DENND1A: variants seen among roughly 807,000 people sequenced by gnomAD.
The protein encoded by DENND1A is DENN domain-containing protein 1A.
A neutral mutation model predicts 113.7 loss-of-function variants in DENND1A; 51 were observed. The observed-to-expected ratio is 0.45, with a 90% confidence interval of 0.36 to 0.57. The LOEUF (loss-of-function observed/expected upper bound fraction) is 0.57, where lower values mean the gene tolerates loss of function less well. Among genes scored for constraint, DENND1A ranks in the 20% least tolerant of loss-of-function variants. DENND1A has a pLI of 0.00. For synonymous variants in DENND1A, 565 were observed against 570.8 expected (o/e 0.99, Z 0.14); for missense variants, 1,258 against 1,395.9 (o/e 0.90, Z 1.57).
chr9:123,655,014 A>G (rs890838384), intron 8 of DENND1A, among the ~76,000 whole-genome samples: 33 of 152,146 alleles, frequency 2.2e-4, no homozygotes, highest in African/African-American at 6.0e-4. Context: ...CAGGCCTGCC[A>G]TGTCCTGAGA....
At chr9:123,717,063 T>C (rs1028955477) in intron 5 of DENND1A, among the ~76,000 whole-genome samples, 1 of 152,188 alleles carries the variant, frequency 6.6e-6, no homozygotes, top group African/African-American at 2.4e-5. Flanking sequence ...AGTAAATACA[T>C]AGTCACACCG....
intron 3 of DENND1A, among the ~76,000 whole-genome samples, chr9:123,787,985 A>G (rs1260034171): frequency 2.0e-5 from 3 of 152,122 alleles, no homozygotes; most frequent in Non-Finnish European, 4.4e-5. Flanking sequence ...ACAGCAATCT[A>G]CATATACAGG....
At chr9:123,840,334 TTC>T (rs1273789509) in intron 2 of DENND1A, among the ~76,000 whole-genome samples, 1 of 152,066 alleles carries the variant, frequency 6.6e-6, no homozygotes, top group East Asian at 1.9e-4. Flanking sequence ...TCTTTGATGT[TTC>T]TTTGTCTCTT....
intron 12 of DENND1A, among the ~76,000 whole-genome samples, chr9:123,579,555 G>A (rs934533252): frequency 6.6e-6 from 1 of 152,130 alleles, no homozygotes; most frequent in Admixed American, 6.5e-5. Flanking sequence ...TGAGTCTGCT[G>A]GTAATAATGC....
At chr9:123,765,939 T>C (rs1432497673) in intron 4 of DENND1A, among the ~76,000 whole-genome samples, 1 of 152,196 alleles carries the variant, frequency 6.6e-6, no homozygotes, top group Non-Finnish European at 1.5e-5. Flanking sequence ...CATAAGCAAG[T>C]CATTTCACCT....
rs201614647 is a variant in DENND1A at position 123,444,112 on chromosome 9, G to C, written c.1357-3621C>G. ...ACGTAGCTGTCAGCAAAGGGCTTGA[G>C]AAAACAGGTACTCTCATACCCTTCT... On this transcript the variant is annotated intron_variant, in intron 18 of 23. Coordinates refer to ENST00000394215, the MANE Select transcript of DENND1A (RefSeq NM_001352964.2). 5.3e-5 allele frequency among the ~76,000 whole-genome samples: 8 copies of C among 152,306 alleles called. No homozygotes were observed. The East Asian group carries it at 1.5e-3, about 29-fold the overall frequency.
chr9:123,623,650 AAAGTT>A (rs2061058801), intron 10 of DENND1A, among the ~76,000 whole-genome samples: 1 of 152,260 alleles, frequency 6.6e-6, no homozygotes, highest in African/African-American at 2.4e-5. Flanking sequence ...AGCTCTAATT[AAAGTT>A]AACTCAGATG....
chr9:123,832,758 T>C (rs541983724), intron 2 of DENND1A, among the ~76,000 whole-genome samples: 1 of 152,100 alleles, frequency 6.6e-6, no homozygotes, highest in Non-Finnish European at 1.5e-5. Flanking sequence ...AAGTAAAATA[T>C]TAAATACACT....
chr9:123,866,000 T>C (rs961575455), intron 2 of DENND1A, among the ~76,000 whole-genome samples: 1 of 152,214 alleles, frequency 6.6e-6, no homozygotes, highest in African/African-American at 2.4e-5. Flanking sequence ...TGGACGGCCA[T>C]GATGAAAATA....
At chr9:123,589,721 C>G (rs2059370316) in intron 11 of DENND1A, among the ~76,000 whole-genome samples, 1 of 139,642 alleles carries the variant, frequency 7.2e-6, no homozygotes, top group African/African-American at 2.7e-5. Flanking sequence ...CATAGAGAAA[C>G]ACACACACAA....
intron 1 of DENND1A, among the ~76,000 whole-genome samples, chr9:123,900,404 T>A (rs946421729): frequency 6.6e-6 from 1 of 152,030 alleles, no homozygotes; most frequent in Non-Finnish European, 1.5e-5. Context: ...GCCCACACAC[T>A]ATGAGAAAGA....
chr9:123,902,747 T>C (rs1588156280), intron 1 of DENND1A, among the ~76,000 whole-genome samples: 1 of 147,580 alleles, frequency 6.8e-6, no homozygotes, highest in East Asian at 2.0e-4. Context: ...ACACCACCTC[T>C]ATAAAACAGG....
chr9:123,817,967 C>T (rs191968751), intron 2 of DENND1A, among the ~76,000 whole-genome samples: 1 of 151,008 alleles, frequency 6.6e-6, no homozygotes, highest in African/African-American at 2.4e-5. Flanking sequence ...GCGGAAGTTG[C>T]GGTGAGCCGA....
intron 2 of DENND1A, among the ~76,000 whole-genome samples, chr9:123,855,007 A>G (rs540195181): frequency 6.6e-6 from 1 of 151,398 alleles, no homozygotes; most frequent in African/African-American, 2.5e-5. Context: ...CTAGAAGTAA[A>G]TGTAACCATA....
intron 2 of DENND1A, among the ~76,000 whole-genome samples, chr9:123,845,596 G>A (rs909095168): frequency 6.7e-6 from 1 of 148,946 alleles, no homozygotes; most frequent in Non-Finnish European, 1.5e-5. Context: ...TTTGAGCCTG[G>A]GAAGTTGAGG....
rs565414714 is a variant in DENND1A at position 123,729,176 on chromosome 9, G to C, written c.302+28527C>G. 5.9e-4 allele frequency among the ~76,000 whole-genome samples: 90 copies of C among 152,220 alleles called. 1 individual carries two copies. Among genetic ancestry groups the C allele is most frequent in the Non-Finnish European group, 9.9e-4 (67 of 68,012 alleles). ...TATCATGCTGAATGGGCAAAAACTG[G>C]AAGCATTCCCTTTGAAAACCAGCAC... On this transcript the variant is annotated intron_variant, in intron 5 of 23. Transcript: ENST00000394215.
At chr9:123,558,557 C>T (rs1377463894) in intron 12 of DENND1A, among the ~76,000 whole-genome samples, 1 of 152,066 alleles carries the variant, frequency 6.6e-6, no homozygotes. Context: ...TCCTAGTAGC[C>T]AAAGCAAGGA....
intron 13 of DENND1A, among the ~76,000 whole-genome samples, chr9:123,475,516 A>G (rs1174913271): frequency 1.3e-5 from 2 of 152,248 alleles, no homozygotes; most frequent in East Asian, 3.8e-4. Flanking sequence ...GTGTTTGGAA[A>G]GAAAAGCAAA....
intron 7 of DENND1A, 114 bp downstream of exon 7, chr9:123,671,177 G>C (rs2063744152): frequency 4.2e-6 from 5 of 1,184,592 alleles, no homozygotes; most frequent in East Asian, 2.3e-5. Flanking sequence ...GAGTATTTGG[G>C]GGTAGGGTTA....
Sources: gnomAD v4.1 joint callset for allele counts (sites outside exome capture counted in the v4.1 genomes callset) on GRCh38, gnomAD v4.1.1 for gene constraint, MANE v1.5 for transcripts, NCBI Gene and HGNC (gene_info 2026-07-23, HGNC 2026-07-21) for gene names.